Variants in ZDHHC2 observed in about 807,000 individuals in gnomAD.
ZDHHC2 encodes zDHHC palmitoyltransferase 2.
A neutral mutation model predicts 55.6 loss-of-function variants in ZDHHC2; 51 were observed. That is an observed-to-expected ratio of 0.92 (90% CI 0.73 to 1.16). ZDHHC2 has a LOEUF of 1.16. Ranked by LOEUF, ZDHHC2 falls within the 50% of genes most tolerant of loss-of-function variation. The probability of loss-of-function intolerance (pLI) is 0.00; values close to 1 mark genes in which losing one functional copy is unlikely to be tolerated. For missense variants in ZDHHC2, 491 were observed against 442.4 expected (o/e 1.11, Z -0.99); for synonymous variants, 199 against 152.9 (o/e 1.30, Z -2.22).
At chr8:17,198,237 T>G in intron 5 of ZDHHC2, 144 bp from the exon 6 acceptor site, 1 of 651,746 alleles carries the variant, frequency 1.5e-6, no homozygotes, top group Non-Finnish European at 2.4e-6. Flanking sequence ...ACTTCTGCTA[T>G]TATCCAATTT....
intron 6 of ZDHHC2, among the ~76,000 whole-genome samples, chr8:17,199,418 GTT>G (rs914417898): frequency 6.8e-6 from 1 of 147,444 alleles, no homozygotes; most frequent in African/African-American, 2.5e-5. Context: ...TTCTTTTCTG[GTT>G]TTTTTTACAA....
chr8:17,210,421 T>G lies in ZDHHC2; in HGVS notation c.891T>G (p.Leu297=). The G allele has an allele frequency of 1.9e-6, 3 of 1,613,504 alleles. No homozygotes were observed. The highest frequency in any genetic ancestry group is 1.3e-5 in the African/African-American group (1 of 75,030). ...LGDGCSFPTC[L]VNQDPEQAST... ...ATGGCTGCTCCTTTCCAACTTGCCTTGTTAACCAGGATCCTGAACAAGCAT... is the reference window on the plus strand; with the variant it reads ...ATGGCTGCTCCTTTCCAACTTGCCTGGTTAACCAGGATCCTGAACAAGCAT... The change falls in exon 10 of 13, where the codon CTT becomes CTG. Residue 297 remains leucine (L), a synonymous_variant. Transcript: ENST00000262096.
chr8:17,201,359 G>T (rs536095889), intron 6 of ZDHHC2, among the ~76,000 whole-genome samples: 1 of 151,548 alleles, frequency 6.6e-6, no homozygotes, highest in African/African-American at 2.4e-5. Flanking sequence ...AAATGTTTCC[G>T]TATGAATATA....
At position 17,184,893 on chromosome 8, in the gene ZDHHC2, A is replaced by G. The variant is rs1334659393; in HGVS notation, c.157+78A>G. On this transcript the variant is annotated intron_variant, in intron 2 of 12. Transcript: ENST00000262096. Reference sequence around the variant, plus strand: ...TTGTATTCACTTAGATTTGGTTGGGATTAATAAATTGTTGTTTGAGAATGT... The same window carrying G: ...TTGTATTCACTTAGATTTGGTTGGGGTTAATAAATTGTTGTTTGAGAATGT... 17 of 1,294,270 alleles carry G rather than the reference A, an allele frequency of 1.3e-5. No homozygotes were observed. In the East Asian group the frequency reaches 3.6e-4, roughly 27 times the overall value. 80.2% of individuals were successfully genotyped at this position (1,294,270 alleles called of 1,614,324 possible).
intron 11 of ZDHHC2, 98 bp from the exon 12 acceptor site, chr8:17,217,074 A>C (rs1431643900): frequency 8.6e-7 from 1 of 1,160,960 alleles, no homozygotes; most frequent in African/African-American, 1.6e-5. Context: ...GCACCTTTGG[A>C]AGTCTACCAA....
chr8:17,168,989 A>G (rs899281877), intron 1 of ZDHHC2, among the ~76,000 whole-genome samples: 1 of 152,186 alleles, frequency 6.6e-6, no homozygotes, highest in Admixed American at 6.5e-5. Flanking sequence ...TGCTGTGAAC[A>G]GTATACAGAA....
At chr8:17,165,637 G>A (rs1355245544) in intron 1 of ZDHHC2, among the ~76,000 whole-genome samples, 1 of 152,160 alleles carries the variant, frequency 6.6e-6, no homozygotes, top group Non-Finnish European at 1.5e-5. Flanking sequence ...ATTGACAGAT[G>A]TTGGAGCTTA....
chr8:17,165,429 C>G (rs1419420843), intron 1 of ZDHHC2, among the ~76,000 whole-genome samples: 2 of 152,136 alleles, frequency 1.3e-5, no homozygotes, highest in African/African-American at 4.8e-5. Context: ...TGAAATGCAA[C>G]TTACTCCAGG....
rs112038696 is a variant in ZDHHC2 at position 17,176,986 on chromosome 8, T to A, written c.131-7803T>A. ...ACGTGAATAACATATTTTTCTTGCA[T>A]GTCATTAAATAAGGTCTGGAAGGGG... On this transcript the variant is annotated intron_variant, in intron 1 of 12. Transcript: ENST00000262096. Among the ~76,000 whole-genome samples, 1,000 of 152,318 alleles carry A rather than the reference T, an allele frequency of 6.6e-3. 18 individuals carry two copies. Among genetic ancestry groups the A allele is most frequent in the African/African-American group, 0.022 (921 of 41,564 alleles).
chr8:17,198,481 C>G, intron 6 of ZDHHC2, 68 bp downstream of exon 6: 1 of 1,422,844 alleles, frequency 7.0e-7, no homozygotes, highest in Non-Finnish European at 9.5e-7. Context: ...ATCACTTATC[C>G]ATGTAAATCT....
At chr8:17,184,849 T>C in intron 2 of ZDHHC2, 34 bp downstream of exon 2, 1 of 1,507,348 alleles carries the variant, frequency 6.6e-7, no homozygotes, top group Non-Finnish European at 8.9e-7. Context: ...ATAGATTTTT[T>C]AAATAGTTTG....
chr8:17,212,660 A>C (rs1267646790), intron 10 of ZDHHC2, among the ~76,000 whole-genome samples: 1 of 151,850 alleles, frequency 6.6e-6, no homozygotes, highest in Non-Finnish European at 1.5e-5. Context: ...ACTCCAATCT[A>C]TTTTCCCTTC....
chr8:17,218,496 A>G lies in ZDHHC2; in HGVS notation c.*34+1250A>G, dbSNP rs185854810. ...TGTGTTAAGTGTTTTACATATTTAC[A>G]TGGTAATATTATATAAAAGCCATCG... On this transcript the variant is annotated intron_variant, in intron 12 of 12. Transcript: ENST00000262096. Among the ~76,000 whole-genome samples, 5 of 152,296 alleles carry G rather than the reference A, an allele frequency of 3.3e-5. No homozygotes were observed. The East Asian group carries it at 9.6e-4, about 29-fold the overall frequency.
rs995446493 is a variant in ZDHHC2 at position 17,223,355 on chromosome 8, A to C, written c.*3134A>C. 2 of 151,886 alleles carry C rather than the reference A, an allele frequency of 1.3e-5. No individual in the cohort carries two copies. The highest frequency in any genetic ancestry group is 6.6e-5 in the Admixed American group (1 of 15,216). The allele number at this position is 151,886 out of a possible 1,614,324, so 9.4% of individuals were successfully genotyped here. On this transcript the variant is annotated 3_prime_UTR_variant, in exon 13 of 13. Transcript: ENST00000262096. ...GCACAACCATCCCACCCACACACCT[A>C]GACTACAGATTCTGATCTGTGAATA...
intron 1 of ZDHHC2, among the ~76,000 whole-genome samples, chr8:17,167,458 A>G (rs926475606): frequency 6.6e-5 from 10 of 152,018 alleles, no homozygotes; most frequent in Non-Finnish European, 1.0e-4. Flanking sequence ...GGCACCTGCC[A>G]TCATGCCGGG....
chr8:17,186,902 G>C (rs1052462225), intron 3 of ZDHHC2, among the ~76,000 whole-genome samples: 1 of 152,172 alleles, frequency 6.6e-6, no homozygotes, highest in African/African-American at 2.4e-5. Context: ...TCTCTGCCAC[G>C]TGTAGCCTCC....
chr8:17,188,878 C>G (rs1036367376), intron 3 of ZDHHC2, among the ~76,000 whole-genome samples: 7 of 152,174 alleles, frequency 4.6e-5, no homozygotes, highest in Non-Finnish European at 1.0e-4. Flanking sequence ...ATGACAGTTT[C>G]ACTCTTCTGT....
At chr8:17,189,150 C>A (rs2150912240) in intron 3 of ZDHHC2, among the ~76,000 whole-genome samples, 1 of 127,296 alleles carries the variant, frequency 7.9e-6, no homozygotes, top group South Asian at 2.4e-4. Flanking sequence ...TTTTTTTGGC[C>A]TCCTCTTGTG....
In ZDHHC2 at chr8:17,222,488, CTGA is replaced by C. The variant is rs893347730; in HGVS notation, c.*2269_*2271del. 1.3e-5 allele frequency: 2 copies of C among 151,864 alleles called. No individual in the cohort carries two copies. The highest frequency in any genetic ancestry group is 4.8e-5 in the African/African-American group (2 of 41,498). The allele number at this position is 151,864 out of a possible 1,614,324, so 9.4% of individuals were successfully genotyped here. A position where few individuals can be genotyped will look rare whatever the true frequency, so the allele number is the denominator to read the frequency against. ...TCAACTGTCCTTATTGTCCATTAAA[CTGA>C]TAATTTTGATTTTTCTTGCTTTTAT... On this transcript the variant is annotated 3_prime_UTR_variant, in exon 13 of 13. Transcript: ENST00000262096.
Sources: gnomAD v4.1 joint callset for allele counts (sites outside exome capture counted in the v4.1 genomes callset) on GRCh38, gnomAD v4.1.1 for gene constraint, MANE v1.5 for transcripts, NCBI Gene and HGNC (gene_info 2026-07-23, HGNC 2026-07-21) for gene names.